C12orf42: variants seen among roughly 807,000 people sequenced by gnomAD.
C12orf42 encodes uncharacterized protein C12orf42.
In C12orf42, 25 loss-of-function variants were observed where a neutral mutation model predicts 21.6. The ratio of observed to expected loss-of-function variants is 1.16; its 90% CI spans 0.84 to 1.62. The LOEUF is 1.62. Among genes scored for constraint, C12orf42 ranks in the 40% most tolerant of loss-of-function variants. The pLI, the probability that C12orf42 is intolerant of heterozygous loss-of-function variation, is 0.00. For synonymous variants in C12orf42, 174 were observed against 175.0 expected (o/e 0.99, Z 0.05); for missense variants, 483 against 459.3 (o/e 1.05, Z -0.47).
chr12:103,417,911 G>T (rs1341584052), intron 2 of C12orf42, among the ~76,000 whole-genome samples: 1 of 152,204 alleles, frequency 6.6e-6, no homozygotes, highest in Non-Finnish European at 1.5e-5. Context: ...TTAAGTAACA[G>T]AAACCAGATT....
downstream of C12orf42, among the ~76,000 whole-genome samples, chr12:103,234,984 T>A (rs554285455): frequency 6.6e-6 from 1 of 152,284 alleles, no homozygotes; most frequent in South Asian, 2.1e-4. Flanking sequence ...GTTAAAAAAA[T>A]ATGCAAATTT....
the C12orf42 span, among the ~76,000 whole-genome samples, chr12:103,525,313 A>G: frequency 6.6e-6 from 1 of 152,174 alleles, no homozygotes; most frequent in South Asian, 2.1e-4. Flanking sequence ...TACAGACATG[A>G]GCCACCACAC....
At chr12:103,153,638 C>CG in the C12orf42 span, among the ~76,000 whole-genome samples, 2 of 151,872 alleles carry the variant, frequency 1.3e-5, no homozygotes, top group Non-Finnish European at 2.9e-5. Context: ...ACTAGGATGA[C>CG]CAAAATAAAA....
intron 2 of C12orf42, among the ~76,000 whole-genome samples, chr12:103,409,498 A>T (rs538685474): frequency 6.6e-6 from 1 of 152,268 alleles, no homozygotes; most frequent in East Asian, 1.9e-4. Context: ...ACAATGCTGC[A>T]AGGGGGAGGA....
At chr12:103,435,382 C>T (rs1038371823) in intron 2 of C12orf42, among the ~76,000 whole-genome samples, 203 of 152,280 alleles carry the variant, frequency 1.3e-3, no homozygotes, top group African/African-American at 4.8e-3. Context: ...TCACCAGCAA[C>T]GGAACAAAGC....
chr12:103,226,862 C>G, the C12orf42 span, among the ~76,000 whole-genome samples: 3 of 152,132 alleles, frequency 2.0e-5, no homozygotes, highest in South Asian at 6.2e-4. Flanking sequence ...ACGAGTTGCA[C>G]TGGGCACAGA....
intron 10 of C12orf42, among the ~76,000 whole-genome samples, chr12:103,239,218 A>G (rs910636077): frequency 2.0e-5 from 3 of 152,146 alleles, no homozygotes; most frequent in Non-Finnish European, 2.9e-5. Context: ...AACACATACA[A>G]CGCTCATGAA....
chr12:103,258,650 A>G (rs111324005), intron 10 of C12orf42, among the ~76,000 whole-genome samples: 3,014 of 152,176 alleles, frequency 0.02, 124 homozygotes, highest in African/African-American at 0.069. Context: ...AGTCCTGTAT[A>G]TAAGATCAAT....
At chr12:103,243,836 AAAAT>A (rs1267751434) in intron 10 of C12orf42, among the ~76,000 whole-genome samples, 1 of 152,198 alleles carries the variant, frequency 6.6e-6, no homozygotes, top group Non-Finnish European at 1.5e-5. Flanking sequence ...GAAGGAAAGC[AAAAT>A]AAATATGTGT....
chr12:103,345,878 C>T (rs562339097), intron 4 of C12orf42, among the ~76,000 whole-genome samples: 30 of 152,216 alleles, frequency 2.0e-4, no homozygotes, highest in African/African-American at 7.0e-4. Context: ...ATTGTAAATA[C>T]TCTATGATTA....
the C12orf42 span, among the ~76,000 whole-genome samples, chr12:103,538,641 A>G: frequency 7.5e-4 from 114 of 152,368 alleles, no homozygotes; most frequent in African/African-American, 2.6e-3. Flanking sequence ...GGGTGATTCA[A>G]CTACTGAGAT....
At chr12:103,494,161 T>C (rs556453556) in intron 1 of C12orf42, among the ~76,000 whole-genome samples, 2 of 152,314 alleles carry the variant, frequency 1.3e-5, no homozygotes, top group African/African-American at 4.8e-5. Context: ...TTCTCCACAA[T>C]AGCCTGGCCC....
chr12:103,367,610 T>G (rs1377883111), intron 4 of C12orf42, among the ~76,000 whole-genome samples: 1 of 151,986 alleles, frequency 6.6e-6, no homozygotes, highest in East Asian at 1.9e-4. Flanking sequence ...ACACACTTTT[T>G]TGCTTAGAGA....
the C12orf42 span, among the ~76,000 whole-genome samples, chr12:103,553,492 G>C: frequency 2.6e-5 from 4 of 152,062 alleles, no homozygotes; most frequent in Non-Finnish European, 5.9e-5. Flanking sequence ...TCCTCCTCCT[G>C]AAAGGTTCAA....
the C12orf42 span, among the ~76,000 whole-genome samples, chr12:103,203,692 A>G: frequency 1.2e-4 from 18 of 152,192 alleles, no homozygotes; most frequent in Non-Finnish European, 2.5e-4. Flanking sequence ...GAGCATGACA[A>G]TTCCCCTTTT....
chr12:103,431,783 A>G (rs2139345930), intron 2 of C12orf42, among the ~76,000 whole-genome samples: 1 of 152,312 alleles, frequency 6.6e-6, no homozygotes, highest in Middle Eastern at 3.4e-3. Flanking sequence ...TATCCAAGTC[A>G]CACAGCACCA....
At chr12:103,475,244 T>C (rs920795106) in intron 2 of C12orf42, among the ~76,000 whole-genome samples, 2 of 152,222 alleles carry the variant, frequency 1.3e-5, no homozygotes, top group African/African-American at 4.8e-5. Context: ...TCCAGAGCAG[T>C]CAATCCTGCT....
At chr12:103,099,512 C>A in the C12orf42 span, among the ~76,000 whole-genome samples, 2 of 152,124 alleles carry the variant, frequency 1.3e-5, no homozygotes, top group Admixed American at 1.3e-4. Flanking sequence ...GGAGGGTGAG[C>A]TAAGGAGTTA....
the C12orf42 span, among the ~76,000 whole-genome samples, chr12:103,133,616 T>A: frequency 6.6e-6 from 1 of 151,840 alleles, no homozygotes; most frequent in Admixed American, 6.5e-5. Context: ...CTGACATTGT[T>A]TACAGCCAAA....
Sources: gnomAD v4.1 joint callset for allele counts (sites outside exome capture counted in the v4.1 genomes callset) on GRCh38, gnomAD v4.1.1 for gene constraint, MANE v1.5 for transcripts, NCBI Gene and HGNC (gene_info 2026-07-23, HGNC 2026-07-21) for gene names.